Variants in BIRC6 observed in about 807,000 individuals in gnomAD.
BIRC6 encodes the protein baculoviral IAP repeat containing 6.
Under a neutral mutation model 503.3 loss-of-function variants are expected in BIRC6, and 98 were observed. That is an observed-to-expected ratio of 0.19 (90% CI 0.17 to 0.23). BIRC6 has a LOEUF of 0.23. Ranked by LOEUF, BIRC6 falls within the 10% of genes least tolerant of loss-of-function variation. The pLI is 1.00. For synonymous variants in BIRC6, 2,240 were observed against 2,078.7 expected (o/e 1.08, Z -2.11); for missense variants, 5,360 against 5,806.0 (o/e 0.92, Z 2.50).
At chr2:32,608,369 GT>G (rs1413647737) in intron 72 of BIRC6, among the ~76,000 whole-genome samples, 1 of 151,860 alleles carries the variant, frequency 6.6e-6, no homozygotes, top group Admixed American at 6.6e-5. Flanking sequence ...TTTTTGAGAA[GT>G]TTTTTTCCTT....
chr2:32,529,448 C>A (rs541981024), intron 59 of BIRC6: 118 of 451,604 alleles, frequency 2.6e-4, no homozygotes, highest in Non-Finnish European at 4.2e-4. Flanking sequence ...TTAACACTTT[C>A]ACAGACATTA....
At chr2:32,365,351 G>A (rs1024312318) in intron 1 of BIRC6, among the ~76,000 whole-genome samples, 34 of 141,854 alleles carry the variant, frequency 2.4e-4, no homozygotes, top group Admixed American at 2.1e-3. Flanking sequence ...TTGAGAGGTC[G>A]CCCTGTCGCC....
At chr2:32,461,136 C>T (rs1468476052) in intron 23 of BIRC6, among the ~76,000 whole-genome samples, 5 of 2,504 alleles carry the variant, frequency 2.0e-3, no homozygotes, top group Admixed American at 4.2e-3. Context: ...TCCTCCCCTC[C>T]CCTCCCCTCC....
At chr2:32,571,378 CTTTTTTT>C (rs61599835) in intron 65 of BIRC6, among the ~76,000 whole-genome samples, 5 of 20,312 alleles carry the variant, frequency 2.5e-4, no homozygotes, top group East Asian at 1.8e-3. Context: ...TGGTCCTGGG[CTTTTTTT>C]TTTTTTTTTT....
At position 32,470,388 on chromosome 2, in the gene BIRC6, T is replaced by TTA. The variant is rs1474958690; in HGVS notation, c.6481+87_6481+88insTA. 76 of 1,248,906 alleles carry TTA rather than the reference T, an allele frequency of 6.1e-5. 1 individual carries two copies. The Middle Eastern group carries it at 7.3e-4, about 12-fold the overall frequency. 77.4% of individuals were successfully genotyped at this position (1,248,906 alleles called of 1,614,324 possible). A position where few individuals can be genotyped will look rare whatever the true frequency, so the allele number is the denominator to read the frequency against. On this transcript the variant is annotated intron_variant, in intron 31 of 73. Coordinates refer to ENST00000421745, the MANE Select transcript of BIRC6 (RefSeq NM_016252.4). ...AAATATCTTCTCTGAAATACTTTAA[T>TTA]AATTATTTGCAGCACATTTAATATT...
chr2:32,483,281 A>T (rs1409540043), intron 39 of BIRC6, among the ~76,000 whole-genome samples: 1 of 152,198 alleles, frequency 6.6e-6, no homozygotes, highest in Middle Eastern at 3.4e-3. Flanking sequence ...AATAAAATAC[A>T]TTTTTTCCCT....
chr2:32,493,625 G>C lies in BIRC6; in HGVS notation c.8426G>C (p.Ser2809Thr), dbSNP rs1021022227. The C allele has an allele frequency of 8.7e-6, 14 of 1,608,608 alleles. No homozygotes were observed. The highest frequency in any genetic ancestry group is 1.2e-5 in the Non-Finnish European group (14 of 1,176,468). The change falls in exon 45 of 74, where the codon AGT becomes ACT. Residue 2809 changes from serine to threonine, a missense_variant. By Grantham distance (58) the Ser-to-Thr change is moderately conservative (BLOSUM62 1). This residue lies in a region of BIRC6 where 2,299 missense variants were observed against 2,267.2 expected (regional missense o/e 1.01). Transcript: ENST00000421745. ...TCTTCAACATGTCCTCAGATATTCA[G>C]TGAATTTTTGCTCAAGCTAATTCAT... ...HLSSTCPQIF[S>T]EFLLKLIHIL...
chr2:32,479,983 T>C (rs1390702450), intron 37 of BIRC6, among the ~76,000 whole-genome samples: 2 of 152,116 alleles, frequency 1.3e-5, no homozygotes, highest in Non-Finnish European at 2.9e-5. Context: ...TCTTTTTTTT[T>C]CCTTTTTAAA....
At chr2:32,447,616 A>C (rs1251929289) in intron 21 of BIRC6, among the ~76,000 whole-genome samples, 4 of 84,256 alleles carry the variant, frequency 4.7e-5, no homozygotes. Context: ...TGATCCCCCC[A>C]CCTCCCTCCC....
Position 32,547,997 on chromosome 2 carries a change from G to A in BIRC6, c.12958G>A (p.Val4320Ile). Reference sequence around the variant, plus strand: ...TAAGCAAAGGCTGGAAGAGGAACATGTTACCTGCCTTCTGCAGGTATATTT... The same window carrying A: ...TAAGCAAAGGCTGGAAGAGGAACATATTACCTGCCTTCTGCAGGTATATTT... ...LTKQRLEEEH[V>I]TCLLQVLASY... The change falls in exon 64 of 74, where the codon GTT (valine) becomes ATT (isoleucine). Residue 4320 changes from valine (V) to isoleucine (I), a missense_variant. Val to Ile is a conservative substitution (Grantham distance 29). This residue lies in a region of BIRC6 where 477 missense variants were observed against 574.4 expected (regional missense o/e 0.83). Coordinates refer to ENST00000421745, the MANE Select transcript of BIRC6 (RefSeq NM_016252.4). 1 of 1,604,562 alleles carries A rather than the reference G, an allele frequency of 6.2e-7. No homozygotes were observed. Among genetic ancestry groups the A allele is most frequent in the Non-Finnish European group, 8.5e-7 (1 of 1,177,202 alleles).
chr2:32,490,430 G>A (rs908568951), intron 43 of BIRC6, among the ~76,000 whole-genome samples: 4 of 152,180 alleles, frequency 2.6e-5, no homozygotes, highest in African/African-American at 9.7e-5. Flanking sequence ...AGCTACTTGG[G>A]AGGGTGACGC....
chr2:32,380,382 T>C, intron 3 of BIRC6, 92 bp downstream of exon 3: 1 of 1,402,352 alleles, frequency 7.1e-7, no homozygotes, highest in Non-Finnish European at 9.4e-7. Context: ...TTTGGAAATG[T>C]TCTAATTCTA....
chr2:32,398,459 A>T (rs1255787781), intron 6 of BIRC6, among the ~76,000 whole-genome samples: 1 of 152,220 alleles, frequency 6.6e-6, no homozygotes, highest in Admixed American at 6.5e-5. Flanking sequence ...ATGGTAGATG[A>T]TTGGATACAT....
chr2:32,548,239 C>T (rs1364149686), intron 64 of BIRC6, among the ~76,000 whole-genome samples: 2 of 150,956 alleles, frequency 1.3e-5, no homozygotes, highest in Non-Finnish European at 1.5e-5. Flanking sequence ...AGGAAAGTGG[C>T]AGGGATGAAA....
At position 32,392,114 on chromosome 2, in the gene BIRC6, A is replaced by T; in HGVS notation, c.915A>T (p.Gln305His). ...SWPHVGYRWAQPDPMAQAGFY... is the reference protein window; with the variant it reads ...SWPHVGYRWAHPDPMAQAGFY... ...CTCATGTAGGCTATAGGTGGGCACA[A>T]CCAGATCCCATGGCTCAAGCTGGAT... Residue 305 changes from glutamine to histidine, a missense_variant, in exon 5 of 74, where the codon CAA (glutamine) becomes CAT (histidine). This residue lies in a region of BIRC6 where 92 missense variants were observed against 176.7 expected (regional missense o/e 0.52). Coordinates refer to ENST00000421745, the MANE Select transcript of BIRC6 (RefSeq NM_016252.4). 2 of 1,595,836 alleles carry T rather than the reference A, an allele frequency of 1.3e-6. No individual in the cohort carries two copies. Among genetic ancestry groups the T allele is most frequent in the South Asian group, 1.1e-5 (1 of 87,882 alleles).
chr2:32,390,414 C>T (rs2039072601), intron 4 of BIRC6, among the ~76,000 whole-genome samples: 1 of 152,150 alleles, frequency 6.6e-6, no homozygotes. Context: ...TTATGATCCA[C>T]CCACCTTGGC....
chr2:32,420,277 ATAAT>A (rs1427599802), intron 10 of BIRC6, among the ~76,000 whole-genome samples: 1 of 152,166 alleles, frequency 6.6e-6, no homozygotes, highest in African/African-American at 2.4e-5. Context: ...AAGTTTGTGT[ATAAT>A]TGGTCTTATT....
chr2:32,511,617 A>G (rs1276349936), intron 53 of BIRC6, among the ~76,000 whole-genome samples: 2 of 150,386 alleles, frequency 1.3e-5, no homozygotes, highest in Non-Finnish European at 2.9e-5. Flanking sequence ...GGCATGAGCC[A>G]CCGCACCCGG....
intron 60 of BIRC6, among the ~76,000 whole-genome samples, chr2:32,530,442 C>G (rs1314862812): frequency 6.6e-6 from 1 of 152,154 alleles, no homozygotes; most frequent in African/African-American, 2.4e-5. Context: ...AACTCCTGAC[C>G]TCAACTTATC....
Sources: gnomAD v4.1 joint callset for allele counts (sites outside exome capture counted in the v4.1 genomes callset) on GRCh38, gnomAD v4.1.1 for gene constraint, gnomAD v4.1.1 regional missense constraint, MANE v1.5 for transcripts, NCBI Gene and HGNC (gene_info 2026-07-23, HGNC 2026-07-21) for gene names.